APP: variants seen among roughly 807,000 people sequenced by gnomAD.
The protein encoded by APP is amyloid-beta precursor protein.
In APP, 31 loss-of-function variants were observed where a neutral mutation model predicts 101.4. The observed-to-expected ratio is 0.31, with a 90% CI of 0.23 to 0.41. The LOEUF (loss-of-function observed/expected upper bound fraction) is 0.41. APP is among the 10% of genes least tolerant of loss of function. The pLI, the probability that APP is intolerant of heterozygous loss-of-function variation, is 1.00. For missense variants in APP, 839 were observed against 1,003.7 expected (o/e 0.84, Z 2.22); for synonymous variants, 366 against 364.4 (o/e 1.00, Z -0.05).
chr21:25,905,863 C>T (rs1220392210), intron 14 of APP, among the ~76,000 whole-genome samples: 1 of 152,146 alleles, frequency 6.6e-6, no homozygotes, highest in African/African-American at 2.4e-5. Context: ...AAAATACTTC[C>T]TTGTTTTACG....
At chr21:25,974,618 G>GTCT (rs1349273848) in intron 11 of APP, among the ~76,000 whole-genome samples, 1 of 152,238 alleles carries the variant, frequency 6.6e-6, no homozygotes, top group African/African-American at 2.4e-5. Flanking sequence ...GTATGCTGAT[G>GTCT]TCTTGATCTT....
At chr21:26,071,956 A>G (rs1309751543) in intron 3 of APP, among the ~76,000 whole-genome samples, 1 of 152,194 alleles carries the variant, frequency 6.6e-6, no homozygotes, top group Non-Finnish European at 1.5e-5. Context: ...CAGCAATTCT[A>G]GAGATTCACT....
chr21:26,044,195 G>C (rs1219326727), intron 5 of APP, among the ~76,000 whole-genome samples: 1 of 152,184 alleles, frequency 6.6e-6, no homozygotes, highest in Non-Finnish European at 1.5e-5. Flanking sequence ...GGGATGTTGA[G>C]GCATGAGGAT....
intron 13 of APP, among the ~76,000 whole-genome samples, chr21:25,949,887 T>C (rs2040988916): frequency 6.6e-6 from 1 of 152,226 alleles, no homozygotes; most frequent in Admixed American, 6.5e-5. Flanking sequence ...CCCACTTTCA[T>C]CACTTTACTA....
chr21:25,913,755 T>TTCC (rs1266088284), intron 13 of APP, among the ~76,000 whole-genome samples: 1 of 152,224 alleles, frequency 6.6e-6, no homozygotes, highest in African/African-American at 2.4e-5. Context: ...ACAGTACTTA[T>TTCC]CTTCTTCCCT....
intron 13 of APP, among the ~76,000 whole-genome samples, chr21:25,935,771 C>T (rs950068280): frequency 3.0e-5 from 4 of 131,208 alleles, no homozygotes; most frequent in Admixed American, 1.9e-4. Flanking sequence ...AACCGGGAGG[C>T]GGAGGCTGTA....
At chr21:26,164,986 G>C (rs1250331702) in intron 1 of APP, among the ~76,000 whole-genome samples, 1 of 150,888 alleles carries the variant, frequency 6.6e-6, no homozygotes, top group Non-Finnish European at 1.5e-5. Flanking sequence ...ATTTTTCAAT[G>C]AGCATGAATT....
intron 3 of APP, among the ~76,000 whole-genome samples, chr21:26,082,026 T>G (rs2061608632): frequency 2.0e-5 from 3 of 152,164 alleles, no homozygotes. Flanking sequence ...GAGACCAACC[T>G]GGCCAACATG....
At chr21:26,167,498 C>T (rs146753335) in intron 1 of APP, among the ~76,000 whole-genome samples, 61 of 152,234 alleles carry the variant, frequency 4.0e-4, no homozygotes, top group African/African-American at 1.4e-3. Context: ...TTAGTGGCCA[C>T]GTGAAATGCA....
At chr21:25,918,539 C>T (rs966885222) in intron 13 of APP, among the ~76,000 whole-genome samples, 5 of 151,948 alleles carry the variant, frequency 3.3e-5, no homozygotes, top group African/African-American at 1.2e-4. Flanking sequence ...GTGCGCGAGC[C>T]GAAGCAGGGC....
At chr21:26,064,999 C>A (rs1160942430) in intron 3 of APP, among the ~76,000 whole-genome samples, 2 of 152,174 alleles carry the variant, frequency 1.3e-5, no homozygotes, top group South Asian at 2.1e-4. Context: ...GACTACAGGC[C>A]TGCGCCACCA....
intron 11 of APP, among the ~76,000 whole-genome samples, chr21:25,967,416 T>A (rs429338): frequency 0.083 from 12,687 of 152,190 alleles, 797 homozygotes; most frequent in African/African-American, 0.17. Context: ...AGAATAATAA[T>A]CATGATAACT....
chr21:26,056,639 C>T (rs1348453186), intron 3 of APP, among the ~76,000 whole-genome samples: 2 of 139,728 alleles, frequency 1.4e-5, no homozygotes, highest in East Asian at 4.3e-4. Flanking sequence ...ACTGAACTTT[C>T]TAACTTGCAA....
intron 5 of APP, among the ~76,000 whole-genome samples, chr21:26,026,402 T>C (rs1395069425): frequency 6.6e-6 from 1 of 152,162 alleles, no homozygotes; most frequent in Non-Finnish European, 1.5e-5. Context: ...ATGATAAAAT[T>C]TTATGTGTCA....
chr21:26,033,491 A>T (rs186763898), intron 5 of APP, among the ~76,000 whole-genome samples: 24 of 152,292 alleles, frequency 1.6e-4, no homozygotes, highest in Admixed American at 1.0e-3. Flanking sequence ...GTGAAAATGG[A>T]CTCATACAAA....
Position 25,995,425 on chromosome 21 carries a change from C to G in APP, c.1090+1935G>C, listed in dbSNP as rs1221948551. Among the ~76,000 whole-genome samples, 111 of 146,704 alleles carry G rather than the reference C, an allele frequency of 7.6e-4. 1 individual carries two copies. Among genetic ancestry groups the G allele is most frequent in the Non-Finnish European group, 1.5e-5 (1 of 66,952 alleles). The stretch of plus-strand genomic sequence containing the variant: ...CGGCAAAACAATGTCAGAACCAATG[C>G]TTAGCCATTTGGTGTGGAGTGCGGC... On this transcript the variant is annotated intron_variant, in intron 8 of 17. Transcript: ENST00000346798.
chr21:25,999,133 A>AATTTTTGTCTC (rs2043171114), intron 7 of APP, among the ~76,000 whole-genome samples: 1 of 152,132 alleles, frequency 6.6e-6, no homozygotes, highest in South Asian at 2.1e-4. Flanking sequence ...TCTACCAAAA[A>AATTTTTGTCTC]TACAAAAAAT....
intron 8 of APP, among the ~76,000 whole-genome samples, chr21:25,986,996 A>T (rs1426029460): frequency 6.6e-6 from 1 of 152,266 alleles, no homozygotes; most frequent in Non-Finnish European, 1.5e-5. Context: ...AAGGCTGTAA[A>T]GCTAATTTTT....
At chr21:25,917,847 T>A (rs1478241506) in intron 13 of APP, among the ~76,000 whole-genome samples, 1 of 143,158 alleles carries the variant, frequency 7.0e-6, no homozygotes, top group Non-Finnish European at 1.5e-5. Context: ...AACAACCCCA[T>A]CAAAAAGTGG....
Sources: allele counts gnomAD v4.1 joint callset (sites outside exome capture counted in the v4.1 genomes callset), GRCh38; gene constraint gnomAD v4.1.1; transcripts MANE v1.5; gene names NCBI Gene and HGNC (gene_info 2026-07-23, HGNC 2026-07-21).